Variants in BICD1 observed in about 807,000 individuals in gnomAD.
BICD1 encodes the protein protein bicaudal D homolog 1.
A neutral mutation model predicts 92.5 loss-of-function variants in BICD1; 35 were observed. The ratio of observed to expected loss-of-function variants is 0.38; its 90% CI spans 0.29 to 0.50. BICD1 has a LOEUF of 0.50. BICD1 is among the 20% of genes least tolerant of loss of function. The pLI, the probability that BICD1 is intolerant of heterozygous loss-of-function variation, is 0.93. For missense variants in BICD1, 950 were observed against 1,189.8 expected, an observed-to-expected ratio of 0.80 and a Z score of 2.97; for synonymous variants, 429 against 465.1, an observed-to-expected ratio of 0.92 and a Z score of 1.00.
chr12:32,150,238 A>G (rs547618), intron 1 of BICD1, among the ~76,000 whole-genome samples: 1 of 152,230 alleles, frequency 6.6e-6, no homozygotes, highest in Admixed American at 6.5e-5. Context: ...GCCAAACTGT[A>G]TCAACTATCA....
At chr12:32,265,392 A>G (rs1261936586) in intron 2 of BICD1, among the ~76,000 whole-genome samples, 1 of 152,156 alleles carries the variant, frequency 6.6e-6, no homozygotes, top group African/African-American at 2.4e-5. Flanking sequence ...AGACTTTCAC[A>G]TCAATTCAGT....
At chr12:32,116,428 A>ATGTCTC (rs1464990809) in intron 1 of BICD1, among the ~76,000 whole-genome samples, 1 of 147,914 alleles carries the variant, frequency 6.8e-6, no homozygotes, top group Admixed American at 6.7e-5. Flanking sequence ...CACTTGTACT[A>ATGTCTC]TGTCTCTGTC....
intron 2 of BICD1, among the ~76,000 whole-genome samples, chr12:32,258,673 T>C (rs1217055230): frequency 6.6e-6 from 1 of 152,158 alleles, no homozygotes; most frequent in Non-Finnish European, 1.5e-5. Context: ...CACGTGATCA[T>C]AGGACAGGGG....
intron 1 of BICD1, among the ~76,000 whole-genome samples, chr12:32,186,096 A>G (rs1944417543): frequency 6.6e-6 from 1 of 152,190 alleles, no homozygotes; most frequent in Non-Finnish European, 1.5e-5. Context: ...CTGGCCAGAA[A>G]CATCTGCCTT....
chr12:32,327,842 G>A lies in BICD1; in HGVS notation c.1387G>A (p.Asp463Asn). 6.2e-7 allele frequency: 1 copy of A among 1,614,116 alleles called. No homozygotes were observed. The change falls in exon 5 of 10, where the codon GAT becomes AAT. Residue 463 changes from aspartate (D) to asparagine (N), a missense_variant. Physicochemically the swap from Asp to Asn is conservative, Grantham distance 23. This residue lies in a region of BICD1 where 309 missense variants were observed against 499.4 expected (regional missense o/e 0.62). Coordinates refer to ENST00000652176, the MANE Select transcript of BICD1 (RefSeq NM_001714.4). ...AKYESKIQMY[D>N]EQVTSLEKTT... The stretch of plus-strand genomic sequence containing the variant: ...GTATGAGAGTAAAATCCAGATGTAT[G>A]ATGAGCAGGTGACAAGCCTTGAGAA...
intron 1 of BICD1, among the ~76,000 whole-genome samples, chr12:32,173,525 A>C (rs943709920): frequency 6.6e-6 from 1 of 152,196 alleles, no homozygotes; most frequent in Admixed American, 6.5e-5. Flanking sequence ...TGTAGCTTAC[A>C]TTGTGATCAT....
chr12:32,225,624 T>TTTGTTTTTTTTG lies in BICD1; in HGVS notation c.426+9167_426+9168insGTTTTTTTTGTT, dbSNP rs797012100. Among the ~76,000 whole-genome samples, 5 of 118,298 alleles carry TTTGTTTTTTTTG rather than the reference T, an allele frequency of 4.2e-5. 1 individual carries two copies. In the East Asian group the frequency reaches 9.0e-4, roughly 21 times the overall value. The allele number at this position is 118,298 out of a possible 152,430, so 77.6% of individuals were successfully genotyped here. A position where few individuals can be genotyped will look rare whatever the true frequency, so the allele number is the denominator to read the frequency against. ...TATTTGACAGTTCTTTTTTTCTGTT[T>TTTGTTTTTTTTG]TTTTTTTTTTTTTTTTTAGACGGAG... is the stretch of plus-strand genomic sequence containing the variant. On this transcript the variant is annotated intron_variant, in intron 2 of 9. Transcript: ENST00000652176.
At chr12:32,247,222 G>A (rs1167962205) in intron 2 of BICD1, among the ~76,000 whole-genome samples, 2 of 136,478 alleles carry the variant, frequency 1.5e-5, no homozygotes, top group Admixed American at 7.6e-5. Flanking sequence ...GGATGACAGA[G>A]CGAGACCCTG....
At chr12:32,311,263 C>T (rs1948367996) in intron 4 of BICD1, among the ~76,000 whole-genome samples, 1 of 152,096 alleles carries the variant, frequency 6.6e-6, no homozygotes, top group African/African-American at 2.4e-5. Flanking sequence ...TTTGGGAGGC[C>T]AAGGTGGGTG....
intron 1 of BICD1, among the ~76,000 whole-genome samples, chr12:32,112,726 C>T (rs1271510534): frequency 6.6e-6 from 1 of 152,000 alleles, no homozygotes; most frequent in Non-Finnish European, 1.5e-5. Flanking sequence ...GGGCCATGGC[C>T]ACATTTTGTC....
At chr12:32,191,014 G>A (rs1944548393) in intron 1 of BICD1, among the ~76,000 whole-genome samples, 1 of 152,186 alleles carries the variant, frequency 6.6e-6, no homozygotes, top group Admixed American at 6.5e-5. Context: ...AATCAAAAGA[G>A]AGATTAGGAA....
intron 1 of BICD1, among the ~76,000 whole-genome samples, chr12:32,177,439 G>C (rs1944127093): frequency 6.7e-6 from 1 of 149,880 alleles, no homozygotes. Context: ...GAGTTTCTGG[G>C]ACTTTTTTTT....
rs1449076751 is a variant in BICD1 at position 32,335,940 on chromosome 12, A to G, written c.2252+1273A>G. The stretch of plus-strand genomic sequence containing the variant: ...CAAACTTGGTGCAAAATTCACGAAT[A>G]ATTACTATGGCTTTACTTGCAGATT... On this transcript the variant is annotated intron_variant, in intron 6 of 9. Coordinates refer to ENST00000652176, the MANE Select transcript of BICD1 (RefSeq NM_001714.4). Among the ~76,000 whole-genome samples the G allele has an allele frequency of 2.6e-5, 4 of 152,096 alleles. No individual in the cohort carries two copies. In the East Asian group the frequency reaches 7.7e-4, roughly 29 times the overall value.
chr12:32,151,530 C>T (rs1338753014), intron 1 of BICD1, among the ~76,000 whole-genome samples: 2 of 152,222 alleles, frequency 1.3e-5, no homozygotes, highest in African/African-American at 4.8e-5. Flanking sequence ...ATTGCAAGCA[C>T]TAAATAGATA....
At chr12:32,315,930 G>A (rs936451714) in intron 4 of BICD1, among the ~76,000 whole-genome samples, 3 of 152,026 alleles carry the variant, frequency 2.0e-5, no homozygotes, top group Non-Finnish European at 4.4e-5. Context: ...GAGGTCGGGA[G>A]TTCGAGACCA....
intron 1 of BICD1, among the ~76,000 whole-genome samples, chr12:32,171,940 TACACACACACACAC>T (rs61038844): frequency 0.17 from 24,140 of 140,936 alleles, 2,147 homozygotes; most frequent in East Asian, 0.23. Context: ...TCTCAAAAAA[TACACACACACACAC>T]ACACACACAC....
At chr12:32,282,199 CTTCTTTTTTTTTTTT>C (rs527417618) in intron 2 of BICD1, among the ~76,000 whole-genome samples, 4,056 of 68,920 alleles carry the variant, frequency 0.059, 164 homozygotes, top group East Asian at 0.21. Flanking sequence ...TTCAGGTCTT[CTTCTTTTTTTTTTTT>C]TTTTTTTTTT....
At chr12:32,155,517 C>G (rs1391981740) in intron 1 of BICD1, among the ~76,000 whole-genome samples, 1 of 152,150 alleles carries the variant, frequency 6.6e-6, no homozygotes, top group African/African-American at 2.4e-5. Flanking sequence ...GAAGTAAGAA[C>G]ATCTCAAAGT....
At chr12:32,171,072 A>G (rs1943920407) in intron 1 of BICD1, among the ~76,000 whole-genome samples, 1 of 152,256 alleles carries the variant, frequency 6.6e-6, no homozygotes, top group Non-Finnish European at 1.5e-5. Flanking sequence ...AAAGATGTCT[A>G]TTATGATAGA....
Sources: gnomAD v4.1 joint callset for allele counts (sites outside exome capture counted in the v4.1 genomes callset) on GRCh38, gnomAD v4.1.1 for gene constraint, gnomAD v4.1.1 regional missense constraint, MANE v1.5 for transcripts, NCBI Gene and HGNC (gene_info 2026-07-23, HGNC 2026-07-21) for gene names.